The following CTNNA2 variants were observed in gnomAD, a reference collection of about 807,000 sequenced individuals.
CTNNA2 encodes the protein catenin alpha 2.
CTNNA2 carries 42 observed loss-of-function variants against 101.0 expected under a neutral mutation model. The ratio of observed to expected loss-of-function variants is 0.42; its 90% CI spans 0.32 to 0.54. CTNNA2 has a LOEUF of 0.54. Among genes scored for constraint, CTNNA2 ranks in the 20% least tolerant of loss-of-function variants. The pLI is 0.14. For synonymous variants in CTNNA2, 450 were observed against 456.4 expected, an observed-to-expected ratio of 0.99 and a Z score of 0.18; for missense variants, 871 against 1,223.1, an observed-to-expected ratio of 0.71 and a Z score of 4.29.
chr2:79,364,485 A>C (rs2104449647), intron 3 of CTNNA2, among the ~76,000 whole-genome samples: 1 of 152,310 alleles, frequency 6.6e-6, no homozygotes, highest in South Asian at 2.1e-4. Context: ...GCTAACTAGC[A>C]TGTTGTTGGG....
chr2:79,754,026 G>C lies in CTNNA2; in HGVS notation c.298+9444G>C, dbSNP rs1672231088. 3.3e-5 allele frequency among the ~76,000 whole-genome samples: 5 copies of C among 151,824 alleles called. No individual in the cohort carries two copies. The South Asian group carries it at 1.0e-3, about 32-fold the overall frequency. On this transcript the variant is annotated intron_variant, in intron 3 of 18. Transcript: ENST00000402739. ...TGGGATTACAGGAGTGTGCTACCATGCCTGGCTAATTTTTGTATTTCTAGT... is the reference window on the plus strand; with the variant it reads ...TGGGATTACAGGAGTGTGCTACCATCCCTGGCTAATTTTTGTATTTCTAGT...
At chr2:80,443,191 C>T (rs568324678) in intron 9 of CTNNA2, among the ~76,000 whole-genome samples, 2 of 152,262 alleles carry the variant, frequency 1.3e-5, no homozygotes, top group South Asian at 4.1e-4. Flanking sequence ...CTCAGGGAAG[C>T]ATCGCTTGCT....
chr2:80,377,848 T>C (rs1396046252), intron 7 of CTNNA2, among the ~76,000 whole-genome samples: 4 of 152,168 alleles, frequency 2.6e-5, no homozygotes, highest in African/African-American at 4.8e-5. Flanking sequence ...TTTTGGAATT[T>C]ATCTTCCTCG....
chr2:80,612,901 T>C (rs1477158353), intron 17 of CTNNA2: 1 of 151,520 alleles, frequency 6.6e-6, no homozygotes, highest in African/African-American at 2.4e-5. Context: ...AGGGTAGATG[T>C]TCTAGGAATT....
chr2:80,158,576 C>T (rs1424025684), intron 7 of CTNNA2, among the ~76,000 whole-genome samples: 1 of 152,164 alleles, frequency 6.6e-6, no homozygotes, highest in Non-Finnish European at 1.5e-5. Context: ...CCTTAACAAC[C>T]ACTAGTCTGT....
chr2:80,600,258 T>G (rs774109628), intron 15 of CTNNA2, among the ~76,000 whole-genome samples: 15 of 151,984 alleles, frequency 9.9e-5, no homozygotes, highest in Non-Finnish European at 1.5e-4. Flanking sequence ...CTTTAAAATT[T>G]TAGAATAAAA....
intron 2 of CTNNA2, among the ~76,000 whole-genome samples, chr2:79,719,581 A>T (rs927592038): frequency 6.6e-6 from 1 of 152,150 alleles, no homozygotes; most frequent in Non-Finnish European, 1.5e-5. Flanking sequence ...CTTTTTAATA[A>T]TAGCCATTCT....
chr2:80,279,500 C>T (rs1393294137), intron 7 of CTNNA2, among the ~76,000 whole-genome samples: 2 of 152,118 alleles, frequency 1.3e-5, no homozygotes, highest in East Asian at 1.9e-4. Context: ...TCAAAGGCAT[C>T]TTCCAGTTGT....
chr2:79,768,553 A>G (rs1326408665), intron 3 of CTNNA2, among the ~76,000 whole-genome samples: 2 of 151,964 alleles, frequency 1.3e-5, no homozygotes, highest in African/African-American at 2.4e-5. Flanking sequence ...GACAAGACAC[A>G]GTAAATATTT....
At chr2:80,430,414 C>T (rs1188477795) in intron 9 of CTNNA2, among the ~76,000 whole-genome samples, 1 of 152,054 alleles carries the variant, frequency 6.6e-6, no homozygotes, top group East Asian at 1.9e-4. Flanking sequence ...CTCAAGGAAA[C>T]TAAAAGTAGC....
In CTNNA2 at chr2:79,652,353, G is replaced by A. The variant is rs550940692; in HGVS notation, c.102+695G>A. Among the ~76,000 whole-genome samples the A allele has an allele frequency of 1.6e-4, 24 of 151,728 alleles. No individual in the cohort carries two copies. The East Asian group carries it at 3.9e-3, about 25-fold the overall frequency. On this transcript the variant is annotated intron_variant, in intron 2 of 18. Transcript: ENST00000402739. Reference sequence around the variant, plus strand: ...AGCAGCACAAATTTATTATTCTAGAGGTCAAATATCCTAGTCAAGGTATTG... The same window carrying A: ...AGCAGCACAAATTTATTATTCTAGAAGTCAAATATCCTAGTCAAGGTATTG...
intron 2 of CTNNA2, among the ~76,000 whole-genome samples, chr2:79,674,548 C>T (rs1246303687): frequency 6.6e-6 from 1 of 151,730 alleles, no homozygotes; most frequent in Non-Finnish European, 1.5e-5. Context: ...ATGAGAATAC[C>T]CTATTAGATA....
chr2:79,710,922 G>T (rs1685698070), intron 2 of CTNNA2, among the ~76,000 whole-genome samples: 1 of 152,204 alleles, frequency 6.6e-6, no homozygotes, highest in Admixed American at 6.5e-5. Flanking sequence ...TGAGCTGAAT[G>T]TATTTTTAGC....
Position 79,613,452 on chromosome 2 carries a change from T to A in CTNNA2, c.-5-38100T>A, listed in dbSNP as rs1187622457. Among the ~76,000 whole-genome samples, 6 of 151,626 alleles carry A rather than the reference T, an allele frequency of 4.0e-5. No individual in the cohort carries two copies. The East Asian group carries it at 1.2e-3, about 29-fold the overall frequency. On this transcript the variant is annotated intron_variant, in intron 1 of 18. Transcript: ENST00000402739. ...CTGTAATCCTAAAGTAAAATAATAA[T>A]AATAATAAAATAGAAAACATTGAAT...
intron 9 of CTNNA2, among the ~76,000 whole-genome samples, chr2:80,443,211 T>C (rs752194061): frequency 2.6e-5 from 4 of 152,178 alleles, no homozygotes; most frequent in Non-Finnish European, 5.9e-5. Flanking sequence ...TTTTATAAGA[T>C]TGTAAGACAA....
chr2:79,211,907 G>C (rs894969346), intron 2 of CTNNA2, among the ~76,000 whole-genome samples: 2 of 152,226 alleles, frequency 1.3e-5, no homozygotes, highest in African/African-American at 4.8e-5. Flanking sequence ...CGGGAACCTA[G>C]AGTGGGAGAG....
chr2:79,798,555 T>C (rs1050374899), intron 3 of CTNNA2, among the ~76,000 whole-genome samples: 2 of 138,094 alleles, frequency 1.4e-5, no homozygotes, highest in East Asian at 4.6e-4. Context: ...ATTTATATAA[T>C]AAGACTTTTT....
chr2:80,041,132 A>G (rs1209394617), intron 7 of CTNNA2, among the ~76,000 whole-genome samples: 4 of 152,128 alleles, frequency 2.6e-5, no homozygotes, highest in Admixed American at 6.6e-5. Flanking sequence ...TATATTTATG[A>G]TACGTACTGT....
chr2:79,862,634 C>T (rs1486870509), intron 4 of CTNNA2, among the ~76,000 whole-genome samples: 1 of 152,120 alleles, frequency 6.6e-6, no homozygotes, highest in Non-Finnish European at 1.5e-5. Flanking sequence ...TTCAGTTATA[C>T]ACTTAAGAAC....
Sources: gnomAD v4.1 joint callset for allele counts (sites outside exome capture counted in the v4.1 genomes callset) on GRCh38, gnomAD v4.1.1 for gene constraint, MANE v1.5 for transcripts, NCBI Gene and HGNC (gene_info 2026-07-23, HGNC 2026-07-21) for gene names.